Variants in NTRK3 observed in about 807,000 individuals in gnomAD.
The protein encoded by NTRK3 is neurotrophic receptor tyrosine kinase 3.
NTRK3 carries 24 observed loss-of-function variants against 91.7 expected under a neutral mutation model. The observed-to-expected ratio is 0.26, with a 90% confidence interval of 0.19 to 0.37. The LOEUF is 0.37. Among genes scored for constraint, NTRK3 ranks in the 10% least tolerant of loss-of-function variants. The probability of loss-of-function intolerance (pLI) is 1.00; values close to 1 mark genes in which losing one functional copy is unlikely to be tolerated. For missense variants in NTRK3, 880 were observed against 1,068.9 expected, an observed-to-expected ratio of 0.82 and a Z score of 2.46; for synonymous variants, 483 against 404.0, an observed-to-expected ratio of 1.20 and a Z score of -2.34.
chr15:87,988,838 C>T (rs1023412380), intron 14 of NTRK3, among the ~76,000 whole-genome samples: 14 of 152,148 alleles, frequency 9.2e-5, no homozygotes, highest in African/African-American at 3.1e-4. Context: ...GCTAGCATTA[C>T]AAGAATATTA....
intron 13 of NTRK3, among the ~76,000 whole-genome samples, chr15:88,035,566 C>T (rs1440562977): frequency 6.6e-6 from 1 of 152,204 alleles, no homozygotes; most frequent in Non-Finnish European, 1.5e-5. Context: ...GATCATGCCA[C>T]AGTGAAACCT....
At chr15:88,191,462 G>A (rs1667627604) in intron 3 of NTRK3, among the ~76,000 whole-genome samples, 2 of 152,144 alleles carry the variant, frequency 1.3e-5, no homozygotes, top group Non-Finnish European at 2.9e-5. Context: ...TTTTTTATAT[G>A]TGAGTACTCT....
At chr15:87,984,851 T>C (rs898543162) in intron 14 of NTRK3, among the ~76,000 whole-genome samples, 2 of 152,182 alleles carry the variant, frequency 1.3e-5, no homozygotes, top group Non-Finnish European at 2.9e-5. Context: ...TGTGTGAGTG[T>C]GTGTTCTCCA....
chr15:88,089,183 C>T (rs1012037387), intron 13 of NTRK3, among the ~76,000 whole-genome samples: 14 of 152,106 alleles, frequency 9.2e-5, no homozygotes, highest in Admixed American at 3.3e-4. Flanking sequence ...ATCTCAAAAC[C>T]GACATGCCTG....
intron 14 of NTRK3, among the ~76,000 whole-genome samples, chr15:87,991,430 T>A (rs1333339839): frequency 6.6e-6 from 1 of 152,152 alleles, no homozygotes; most frequent in African/African-American, 2.4e-5. Flanking sequence ...CCTCTCTCCA[T>A]CTCCCTGTAC....
At chr15:88,024,708 G>A (rs1437294619) in intron 14 of NTRK3, among the ~76,000 whole-genome samples, 1 of 152,182 alleles carries the variant, frequency 6.6e-6, no homozygotes, top group African/African-American at 2.4e-5. Context: ...AAACCAGCTT[G>A]AAAGTGACAT....
chr15:88,162,570 C>G (rs1238811956), intron 5 of NTRK3, among the ~76,000 whole-genome samples: 1 of 152,166 alleles, frequency 6.6e-6, no homozygotes, highest in Non-Finnish European at 1.5e-5. Flanking sequence ...CAAGAAAACT[C>G]GCACCAGACA....
chr15:88,172,782 TG>T (rs2045639654), intron 5 of NTRK3, among the ~76,000 whole-genome samples: 2 of 152,040 alleles, frequency 1.3e-5, no homozygotes, highest in African/African-American at 4.8e-5. Flanking sequence ...GATCGGGGGT[TG>T]GGGGGCATGA....
At chr15:88,211,519 T>C (rs2049246382) in intron 3 of NTRK3, among the ~76,000 whole-genome samples, 1 of 152,248 alleles carries the variant, frequency 6.6e-6, no homozygotes, top group African/African-American at 2.4e-5. Flanking sequence ...TTATTTTGGG[T>C]ATACACCCAG....
At chr15:88,042,908 T>G (rs2079790663) in intron 13 of NTRK3, among the ~76,000 whole-genome samples, 1 of 152,238 alleles carries the variant, frequency 6.6e-6, no homozygotes, top group Non-Finnish European at 1.5e-5. Context: ...CTCATTTCAC[T>G]GCAGCACCTT....
At chr15:88,082,947 T>C (rs1050855638) in intron 13 of NTRK3, among the ~76,000 whole-genome samples, 2 of 152,136 alleles carry the variant, frequency 1.3e-5, no homozygotes, top group African/African-American at 4.8e-5. Flanking sequence ...TCTCCAAATA[T>C]ACAGTGTTTC....
At chr15:87,871,230 T>C (rs2064820724) in exon 19 of NTRK3, 2 of 231,052 alleles carry the variant, frequency 8.7e-6, no homozygotes, top group Non-Finnish European at 1.7e-5. Context: ...TTGCAAACTA[T>C]AGATACTTTC....
chr15:88,248,371 A>G (rs1026068062), intron 3 of NTRK3, among the ~76,000 whole-genome samples: 1 of 152,222 alleles, frequency 6.6e-6, no homozygotes, highest in Non-Finnish European at 1.5e-5. Context: ...GGCCAATACT[A>G]CACCCATAAT....
At chr15:88,036,212 G>A (rs1045702861) in intron 13 of NTRK3, among the ~76,000 whole-genome samples, 8 of 151,836 alleles carry the variant, frequency 5.3e-5, no homozygotes, top group Non-Finnish European at 1.2e-4. Context: ...ACACACACAC[G>A]TATATCAAGG....
intron 13 of NTRK3, among the ~76,000 whole-genome samples, chr15:88,116,537 G>GA (rs2052097206): frequency 6.6e-6 from 1 of 152,082 alleles, no homozygotes; most frequent in African/African-American, 2.4e-5. Flanking sequence ...TGGCACTCAG[G>GA]AAAAAACAAA....
intron 3 of NTRK3, among the ~76,000 whole-genome samples, chr15:88,214,008 G>C (rs977967297): frequency 6.6e-6 from 1 of 152,108 alleles, no homozygotes; most frequent in Admixed American, 6.5e-5. Flanking sequence ...GAACCTGGGA[G>C]GTGGAGGTTG....
At chr15:88,014,915 A>C (rs1224194413) in intron 14 of NTRK3, among the ~76,000 whole-genome samples, 1 of 152,264 alleles carries the variant, frequency 6.6e-6, no homozygotes, top group Non-Finnish European at 1.5e-5. Context: ...AAAGGATAGA[A>C]ATGTTAGTCT....
chr15:87,906,987 G>A (rs2066807681), intron 17 of NTRK3, among the ~76,000 whole-genome samples: 1 of 152,098 alleles, frequency 6.6e-6, no homozygotes, highest in African/African-American at 2.4e-5. Context: ...ATGACTGTAT[G>A]CCCCAATTTA....
At chr15:88,081,215 A>G (rs1380893047) in intron 13 of NTRK3, among the ~76,000 whole-genome samples, 1 of 152,086 alleles carries the variant, frequency 6.6e-6, no homozygotes, top group African/African-American at 2.4e-5. Context: ...CCTAGAAATG[A>G]GACAGAAAGC....
Sources: allele counts gnomAD v4.1 joint callset (sites outside exome capture counted in the v4.1 genomes callset), GRCh38; gene constraint gnomAD v4.1.1; transcripts MANE v1.5; gene names NCBI Gene and HGNC (gene_info 2026-07-23, HGNC 2026-07-21).